The following LARGE1 variants were observed in gnomAD, a reference collection of about 807,000 sequenced individuals.
LARGE1 encodes the protein LARGE xylosyl- and glucuronyltransferase 1.
Under a neutral mutation model 87.6 loss-of-function variants are expected in LARGE1, and 43 were observed. The observed-to-expected ratio is 0.49, with a 90% confidence interval of 0.38 to 0.63. The LOEUF is 0.63. LARGE1 is among the 30% of genes least tolerant of loss of function. LARGE1 has a pLI of 0.00. For synonymous variants in LARGE1, 434 were observed against 394.6 expected (o/e 1.10, Z -1.18); for missense variants, 802 against 1,000.2 (o/e 0.80, Z 2.67).
chr22:33,871,679 A>G (rs1347626602), intron 1 of LARGE1, among the ~76,000 whole-genome samples: 1 of 152,182 alleles, frequency 6.6e-6, no homozygotes, highest in Non-Finnish European at 1.5e-5. Context: ...GCACGCACAC[A>G]CACACACATA....
chr22:33,551,972 C>G (rs569015082), intron 6 of LARGE1, among the ~76,000 whole-genome samples: 2 of 119,486 alleles, frequency 1.7e-5, no homozygotes, highest in South Asian at 5.2e-4. Flanking sequence ...CCAGCCTGGG[C>G]GACAGAGCAA....
In LARGE1 at chr22:33,650,462, C is replaced by T. The variant is rs1214837908; in HGVS notation, c.313G>A (p.Glu105Lys). Residue 105 changes from glutamate (E) to lysine (K), a missense_variant, in exon 3 of 15, where the codon GAG (glutamate) becomes AAG (lysine). Glu to Lys is a moderately conservative substitution (Grantham distance 56). This residue lies in a region of LARGE1 where 177 missense variants were observed against 158.3 expected (regional missense o/e 1.12). Coordinates refer to ENST00000397394, the MANE Select transcript of LARGE1 (RefSeq NM_133642.5). The part of the protein sequence containing the change: ...RGNHSKTYSM[E>K]EGTGDSENLR... ...TTCTCGCTGTCTCCAGTGCCCTCCT[C>T]CATGGAGTAGGTCTTGGAGTGGTTG... 6.2e-7 allele frequency: 1 copy of T among 1,614,134 alleles called. No individual in the cohort carries two copies.
At chr22:33,648,481 C>G (rs149051688) in intron 3 of LARGE1, among the ~76,000 whole-genome samples, 230 of 152,268 alleles carry the variant, frequency 1.5e-3, no homozygotes, top group African/African-American at 5.2e-3. Context: ...ACCTGGGTAG[C>G]AGAGTTCCCA....
At chr22:33,782,649 G>A (rs550328380) in intron 1 of LARGE1, among the ~76,000 whole-genome samples, 3 of 152,026 alleles carry the variant, frequency 2.0e-5, no homozygotes, top group African/African-American at 4.8e-5. Flanking sequence ...GGCGCATCAC[G>A]AGGTCAGGAG....
At chr22:33,789,458 CCA>C (rs2085754401) in intron 1 of LARGE1, among the ~76,000 whole-genome samples, 1 of 152,152 alleles carries the variant, frequency 6.6e-6, no homozygotes, top group Non-Finnish European at 1.5e-5. Flanking sequence ...CACAGAGTGC[CCA>C]CTGGGGCACT....
Position 33,906,657 on chromosome 22 carries a change from A to G in LARGE1, c.-83+13338T>C, listed in dbSNP as rs529874786. Among the ~76,000 whole-genome samples, 7 of 152,250 alleles carry G rather than the reference A, an allele frequency of 4.6e-5. No homozygotes were observed. The East Asian group carries it at 9.7e-4, about 21-fold the overall frequency. ...TTAACTGTCAGAGCCCAAATTTCCTATGAGAGAAAAGTGCAAGGTAGACAG... is the reference window on the plus strand; with the variant it reads ...TTAACTGTCAGAGCCCAAATTTCCTGTGAGAGAAAAGTGCAAGGTAGACAG... On this transcript the variant is annotated intron_variant, in intron 1 of 14. Transcript: ENST00000397394.
chr22:33,623,687 A>G (rs1384188348), intron 4 of LARGE1, among the ~76,000 whole-genome samples: 1 of 147,520 alleles, frequency 6.8e-6, no homozygotes, highest in Non-Finnish European at 1.5e-5. Flanking sequence ...ACTGACACAC[A>G]GCAAAAGTTA....
chr22:33,404,101 TATG>T (rs1316691590), intron 7 of LARGE1, among the ~76,000 whole-genome samples: 1 of 152,210 alleles, frequency 6.6e-6, no homozygotes, highest in Non-Finnish European at 1.5e-5. Context: ...TAGTCTATTG[TATG>T]ATAAGAACAA....
At chr22:33,454,560 A>G (rs2068056204) in intron 6 of LARGE1, among the ~76,000 whole-genome samples, 1 of 150,326 alleles carries the variant, frequency 6.7e-6, no homozygotes, top group Admixed American at 6.7e-5. Context: ...CGGAGGTTGC[A>G]GTGAGCCGAG....
intron 9 of LARGE1, among the ~76,000 whole-genome samples, chr22:33,370,870 A>C (rs1289901327): frequency 6.7e-6 from 1 of 149,490 alleles, no homozygotes; most frequent in Non-Finnish European, 1.5e-5. Context: ...AATTAATAAT[A>C]TTCAATAATT....
At chr22:33,122,805 G>C in the LARGE1 span, among the ~76,000 whole-genome samples, 2 of 152,106 alleles carry the variant, frequency 1.3e-5, no homozygotes, top group Admixed American at 6.6e-5. Context: ...CTTGCATAAA[G>C]CCAAATTGGA....
intron 9 of LARGE1, among the ~76,000 whole-genome samples, chr22:33,370,581 T>C (rs1008342339): frequency 6.6e-6 from 1 of 152,138 alleles, no homozygotes; most frequent in Non-Finnish European, 1.5e-5. Flanking sequence ...TGGGTGAGTT[T>C]GTATTACTAT....
chr22:33,577,540 T>C (rs2078389628), intron 5 of LARGE1, among the ~76,000 whole-genome samples: 1 of 152,222 alleles, frequency 6.6e-6, no homozygotes, highest in Non-Finnish European at 1.5e-5. Flanking sequence ...CTCACAACCA[T>C]ACCTTCTTCC....
intron 1 of LARGE1, among the ~76,000 whole-genome samples, chr22:33,801,439 A>G (rs1275225589): frequency 6.6e-6 from 1 of 152,140 alleles, no homozygotes; most frequent in Non-Finnish European, 1.5e-5. Context: ...TTATGGTCTT[A>G]ATTTATATTT....
chr22:33,694,507 T>C (rs2082185995), intron 2 of LARGE1, among the ~76,000 whole-genome samples: 1 of 152,194 alleles, frequency 6.6e-6, no homozygotes, highest in Admixed American at 6.5e-5. Flanking sequence ...GTTTGATCAA[T>C]AAATGTCTCT....
chr22:33,716,204 G>C (rs1204782285), intron 2 of LARGE1, among the ~76,000 whole-genome samples: 1 of 152,070 alleles, frequency 6.6e-6, no homozygotes, highest in African/African-American at 2.4e-5. Context: ...CAGGATGGCC[G>C]TTAGATTTGA....
intron 2 of LARGE1, among the ~76,000 whole-genome samples, chr22:33,672,219 T>C (rs928365182): frequency 1.3e-5 from 2 of 152,222 alleles, no homozygotes; most frequent in African/African-American, 4.8e-5. Context: ...TCTCACGCTC[T>C]TTCTTATACT....
intron 2 of LARGE1, among the ~76,000 whole-genome samples, chr22:33,674,839 A>C (rs1275486150): frequency 2.6e-5 from 4 of 152,124 alleles, no homozygotes; most frequent in Non-Finnish European, 5.9e-5. Flanking sequence ...GTGATATCAC[A>C]ATCTATCTGT....
At chr22:33,764,579 G>A (rs565628011) in intron 1 of LARGE1, among the ~76,000 whole-genome samples, 82 of 152,028 alleles carry the variant, frequency 5.4e-4, no homozygotes, top group Admixed American at 9.2e-4. Context: ...CCAACATGAC[G>A]AAACCCTGTC....
Sources: allele counts gnomAD v4.1 joint callset (sites outside exome capture counted in the v4.1 genomes callset), GRCh38; gene constraint gnomAD v4.1.1; regional missense constraint gnomAD v4.1.1; transcripts MANE v1.5; gene names NCBI Gene and HGNC (gene_info 2026-07-23, HGNC 2026-07-21).